Variants in MRC1 observed in about 807,000 individuals in gnomAD.
MRC1 encodes the protein mannose receptor C-type 1.
In MRC1, 62 loss-of-function variants were observed where a neutral mutation model predicts 102.9. That is an observed-to-expected ratio of 0.60 (90% CI 0.49 to 0.74). MRC1 has a LOEUF of 0.74. Ranked by LOEUF, MRC1 falls within the 30% of genes least tolerant of loss-of-function variation. MRC1 has a pLI of 0.00. For missense variants in MRC1, 1,237 were observed against 862.8 expected, an observed-to-expected ratio of 1.43 and a Z score of -5.43; for synonymous variants, 457 against 298.4, an observed-to-expected ratio of 1.53 and a Z score of -5.48.
At chr10:17,895,417 T>C (rs1368021539) in intron 23 of MRC1, among the ~76,000 whole-genome samples, 2 of 152,122 alleles carry the variant, frequency 1.3e-5, no homozygotes, top group Admixed American at 6.6e-5. Context: ...ACTAAAACTT[T>C]CTATTAGAAA....
intron 2 of MRC1, among the ~76,000 whole-genome samples, chr10:17,826,099 G>T (rs1554838636): frequency 1.3e-5 from 2 of 152,070 alleles, no homozygotes; most frequent in African/African-American, 4.8e-5. Context: ...AAGAAAAGAG[G>T]TCAATAACTC....
chr10:17,833,468 C>T (rs1423090655), intron 3 of MRC1, among the ~76,000 whole-genome samples: 4 of 146,780 alleles, frequency 2.7e-5, no homozygotes, highest in South Asian at 4.3e-4. Context: ...GTACAGTGAG[C>T]CAGAATCACA....
intron 17 of MRC1, among the ~76,000 whole-genome samples, chr10:17,877,547 C>T (rs1423636006): frequency 6.6e-6 from 1 of 151,302 alleles, no homozygotes; most frequent in Non-Finnish European, 1.5e-5. Context: ...AAAATTTATA[C>T]ACAATTTAAT....
chr10:17,887,519 T>C (rs1246917515), intron 22 of MRC1, among the ~76,000 whole-genome samples: 1 of 152,254 alleles, frequency 6.6e-6, no homozygotes, highest in Non-Finnish European at 1.5e-5. Context: ...GAAGCGAAAG[T>C]AGAATGGAGC....
chr10:17,829,335 A>G (rs1190843350), intron 3 of MRC1, among the ~76,000 whole-genome samples: 2 of 151,550 alleles, frequency 1.3e-5, no homozygotes, highest in East Asian at 3.8e-4. Flanking sequence ...CTCTGGATTT[A>G]TAATCCCTAA....
intron 1 of MRC1, among the ~76,000 whole-genome samples, chr10:17,814,144 A>C (rs1838270321): frequency 6.6e-6 from 1 of 152,162 alleles, no homozygotes; most frequent in Non-Finnish European, 1.5e-5. Flanking sequence ...CTATGTGAGA[A>C]AGTTGAAGCT....
At chr10:17,875,664 G>C (rs1833426352) in intron 17 of MRC1, among the ~76,000 whole-genome samples, 1 of 152,090 alleles carries the variant, frequency 6.6e-6, no homozygotes, top group African/African-American at 2.4e-5. Context: ...CCACTCATTG[G>C]CTGATGGGCA....
chr10:17,907,419 A>G, intron 27 of MRC1, 115 bp from the exon 28 acceptor site: 1 of 737,308 alleles, frequency 1.4e-6, no homozygotes, highest in South Asian at 1.5e-5. Context: ...GTTATAAATG[A>G]CTATTGATTC....
At chr10:17,871,684 G>A (rs1175004878) in intron 14 of MRC1, among the ~76,000 whole-genome samples, 1 of 152,116 alleles carries the variant, frequency 6.6e-6, no homozygotes, top group African/African-American at 2.4e-5. Flanking sequence ...TTGTTGCCAA[G>A]TTTTTCCTGT....
chr10:17,839,680 G>A (rs1044411086), intron 4 of MRC1, among the ~76,000 whole-genome samples: 1 of 152,102 alleles, frequency 6.6e-6, no homozygotes, highest in African/African-American at 2.4e-5. Flanking sequence ...GTTTTTAAAA[G>A]CCAAAGGATA....
chr10:17,861,778 C>A (rs1364403570), intron 10 of MRC1, among the ~76,000 whole-genome samples: 2 of 152,008 alleles, frequency 1.3e-5, no homozygotes, highest in Non-Finnish European at 2.9e-5. Flanking sequence ...TTTTAATGAT[C>A]CATTCGACGT....
chr10:17,843,134 T>A (rs1432048359), intron 5 of MRC1, among the ~76,000 whole-genome samples: 2 of 152,240 alleles, frequency 1.3e-5, no homozygotes, highest in Non-Finnish European at 2.9e-5. Context: ...CACTAGTTGA[T>A]GTCTCAAAGT....
At chr10:17,865,546 G>A (rs1833253225) in intron 11 of MRC1, 1 of 152,210 alleles carries the variant, frequency 6.6e-6, no homozygotes. Context: ...CCATTGTCAT[G>A]GTATATCCTT....
At chr10:17,863,908 G>T (rs1379790590) in intron 11 of MRC1, among the ~76,000 whole-genome samples, 1 of 151,584 alleles carries the variant, frequency 6.6e-6, no homozygotes, top group Non-Finnish European at 1.5e-5. Flanking sequence ...GAAAAAAATT[G>T]CTAGGTTATA....
Position 17,878,186 on chromosome 10 carries a change from C to T in MRC1, c.2618+219C>T, listed in dbSNP as rs998645891. Among the ~76,000 whole-genome samples the T allele has an allele frequency of 3.3e-5, 5 of 152,250 alleles. No individual in the cohort carries two copies. In the East Asian group the frequency reaches 9.6e-4, roughly 29 times the overall value. The stretch of plus-strand genomic sequence containing the variant: ...CAACTCAAAATTGGATTCAGTTTTG[C>T]AAAACTACACTTTTCTTTGTTTTCA... On this transcript the variant is annotated intron_variant, in intron 18 of 29. Coordinates refer to ENST00000569591, the MANE Select transcript of MRC1 (RefSeq NM_002438.4).
intron 2 of MRC1, among the ~76,000 whole-genome samples, chr10:17,826,524 A>G (rs1838478755): frequency 1.1e-5 from 1 of 92,378 alleles, no homozygotes; most frequent in Non-Finnish European, 2.2e-5. Context: ...GAATCTGCAA[A>G]ATGTAATGAA....
intron 1 of MRC1, among the ~76,000 whole-genome samples, chr10:17,820,645 C>G (rs1316993651): frequency 6.6e-6 from 1 of 151,810 alleles, no homozygotes; most frequent in Admixed American, 6.6e-5. Context: ...TGAGGTATTA[C>G]TAAGCAAAGC....
chr10:17,846,172 T>A (rs1488177117), intron 6 of MRC1, among the ~76,000 whole-genome samples: 4 of 151,892 alleles, frequency 2.6e-5, no homozygotes, highest in Non-Finnish European at 5.9e-5. Flanking sequence ...CCTCCCAAAG[T>A]GCTGGGATTA....
intron 24 of MRC1, 144 bp from the exon 25 acceptor site, chr10:17,900,644 T>G: frequency 1.4e-6 from 1 of 716,072 alleles, no homozygotes; most frequent in South Asian, 1.6e-5. Flanking sequence ...CAGAAATGAT[T>G]TATAGTGTTC....
Sources: allele counts gnomAD v4.1 joint callset (sites outside exome capture counted in the v4.1 genomes callset), GRCh38; gene constraint gnomAD v4.1.1; transcripts MANE v1.5; gene names NCBI Gene and HGNC (gene_info 2026-07-23, HGNC 2026-07-21).